The following TEKT5 variants were observed in gnomAD, a reference collection of about 807,000 sequenced individuals.
TEKT5 encodes the protein tektin-5.
TEKT5 carries 52 observed loss-of-function variants against 48.7 expected under a neutral mutation model. The ratio of observed to expected loss-of-function variants is 1.07; its 90% CI spans 0.86 to 1.35. The LOEUF (loss-of-function observed/expected upper bound fraction) is 1.35. Among genes scored for constraint, TEKT5 ranks in the 40% most tolerant of loss-of-function variants. The probability of loss-of-function intolerance (pLI) is 0.00; values close to 1 mark genes in which losing one functional copy is unlikely to be tolerated. For missense variants in TEKT5, 831 were observed against 641.6 expected, an observed-to-expected ratio of 1.30 and a Z score of -3.19; for synonymous variants, 318 against 267.6, an observed-to-expected ratio of 1.19 and a Z score of -1.84.
At position 10,676,099 on chromosome 16, in the gene TEKT5, G is replaced by C. The variant is rs1898640251; in HGVS notation, c.946C>G (p.Leu316Val). 6.2e-7 allele frequency: 1 copy of C among 1,614,224 alleles called. No individual in the cohort carries two copies. Among genetic ancestry groups the C allele is most frequent in the South Asian group, 1.1e-5 (1 of 91,086 alleles). Reference sequence around the variant, plus strand: ...AAGAGGTGCTCCGCCTCCTCCCGCAGCTGGATGGAGTTGGCCCGCATGTTC... The same window carrying C: ...AAGAGGTGCTCCGCCTCCTCCCGCACCTGGATGGAGTTGGCCCGCATGTTC... ...SQNMRANSIQ[L>V]REEAEHLFET... Residue 316 changes from leucine to valine, a missense_variant, in exon 5 of 7, where the codon CTG (leucine) becomes GTG (valine). Transcript: ENST00000283025.
chr16:10,632,022 G>A (rs1897847594), intron 6 of TEKT5, among the ~76,000 whole-genome samples: 1 of 152,208 alleles, frequency 6.6e-6, no homozygotes, highest in Admixed American at 6.5e-5. Context: ...CTGGGGAGAA[G>A]AGACAGTGAA....
Position 10,690,030 on chromosome 16 carries a change from G to T in TEKT5, c.565-5C>A. ...GTACAGACACTCCAAGGCCACCTGT[G>T]GGAAGCAGCAGAAAGAACGTATTCT... On this transcript the variant is annotated splice_polypyrimidine_tract_variant and splice_region_variant and intron_variant, in intron 1 of 6. Coordinates refer to ENST00000283025, the MANE Select transcript of TEKT5 (RefSeq NM_144674.2). 6.2e-7 allele frequency: 1 copy of T among 1,613,838 alleles called. No homozygotes were observed. The highest frequency in any genetic ancestry group is 8.5e-7 in the Non-Finnish European group (1 of 1,179,970).
intron 5 of TEKT5, among the ~76,000 whole-genome samples, chr16:10,658,684 A>G (rs1220309391): frequency 6.6e-6 from 1 of 151,686 alleles, no homozygotes; most frequent in Non-Finnish European, 1.5e-5. Context: ...CTCATCACCT[A>G]TTGACATTCA....
intron 4 of TEKT5, among the ~76,000 whole-genome samples, chr16:10,680,457 AT>A (rs58130091): frequency 0.023 from 3,345 of 147,150 alleles, 74 homozygotes; most frequent in African/African-American, 0.061. Context: ...TGTGCTAGGG[AT>A]TTTTTTTTTT....
chr16:10,629,685 C>T (rs916234229), intron 6 of TEKT5, among the ~76,000 whole-genome samples: 7 of 152,184 alleles, frequency 4.6e-5, no homozygotes, highest in African/African-American at 1.2e-4. Context: ...CTCACAGGTC[C>T]GCAGTTCTCC....
At chr16:10,632,869 G>GACACACACACACACACACACACACACAC (rs35503579) in intron 6 of TEKT5, among the ~76,000 whole-genome samples, 2 of 131,646 alleles carry the variant, frequency 1.5e-5, no homozygotes, top group African/African-American at 5.6e-5. Flanking sequence ...CACAGATGCA[G>GACACACACACACACACACACACACACAC]ACACACACAC....
chr16:10,659,514 G>T (rs781765088), intron 5 of TEKT5, among the ~76,000 whole-genome samples: 6 of 152,014 alleles, frequency 3.9e-5, no homozygotes, highest in Non-Finnish European at 8.8e-5. Context: ...CGAGTAGCTG[G>T]GACTACAGGT....
chr16:10,689,294 T>C lies in TEKT5; in HGVS notation c.678A>G (p.Glu226=), dbSNP rs1596421964. The C allele has an allele frequency of 1.9e-6, 3 of 1,613,406 alleles. No individual in the cohort carries two copies. Among genetic ancestry groups the C allele is most frequent in the South Asian group, 1.1e-5 (1 of 90,980 alleles). The change falls in exon 3 of 7, where the codon GAA becomes GAG. Residue 226 remains glutamate (E), a synonymous_variant. Transcript: ENST00000283025. ...REVDLLKCCQ[E]QMRKLAQRID... Reference sequence around the variant, plus strand: ...TTCTTTGAGCTAATTTTCTCATCTGTTCTTGGCAACATTTTAGCAAATCCA... The same window carrying C: ...TTCTTTGAGCTAATTTTCTCATCTGCTCTTGGCAACATTTTAGCAAATCCA...
intron 4 of TEKT5, among the ~76,000 whole-genome samples, chr16:10,678,802 A>G (rs1898694502): frequency 6.6e-6 from 1 of 152,222 alleles, no homozygotes; most frequent in African/African-American, 2.4e-5. Flanking sequence ...AGCTCCCCAG[A>G]GAAAATAACC....
chr16:10,676,095 C>T lies in TEKT5; in HGVS notation c.950G>A (p.Arg317Gln), dbSNP rs754791961. ...CTCAAAGAGGTGCTCCGCCTCCTCC[C>T]GCAGCTGGATGGAGTTGGCCCGCAT... ...QNMRANSIQL[R>Q]EEAEHLFETL... The change falls in exon 5 of 7, where the codon CGG becomes CAG. Residue 317 changes from arginine (R) to glutamine (Q), a missense_variant. Physicochemically the swap from Arg to Gln is conservative, Grantham distance 43. Coordinates refer to ENST00000283025, the MANE Select transcript of TEKT5 (RefSeq NM_144674.2). The T allele has an allele frequency of 6.8e-6, 11 of 1,614,106 alleles. No homozygotes were observed. The highest frequency in any genetic ancestry group is 2.2e-5 in the South Asian group (2 of 91,088).
chr16:10,686,933 G>C (rs186758032), intron 3 of TEKT5, among the ~76,000 whole-genome samples: 1 of 152,186 alleles, frequency 6.6e-6, no homozygotes, highest in Non-Finnish European at 1.5e-5. Context: ...TGTCATTTGT[G>C]ACAACATGGA....
At chr16:10,660,661 C>CTGTGTG (rs4028826) in intron 5 of TEKT5, among the ~76,000 whole-genome samples, 1,660 of 144,372 alleles carry the variant, frequency 0.011, 36 homozygotes, top group African/African-American at 0.037. Flanking sequence ...GAGTGCAAGG[C>CTGTGTG]TGTGTGTGTG....
chr16:10,685,969 G>T (rs538634757), intron 3 of TEKT5, among the ~76,000 whole-genome samples: 1 of 152,226 alleles, frequency 6.6e-6, no homozygotes, highest in South Asian at 2.1e-4. Context: ...CACTCTGCCG[G>T]CTCAAACTAT....
rs189007196 is a variant in TEKT5 at position 10,690,655 on chromosome 16, G to A, written c.565-630C>T. The A allele has an allele frequency of 9.5e-3, 9,382 of 985,408 alleles. 37 individuals carry two copies. Among genetic ancestry groups the A allele is most frequent in the Non-Finnish European group, 0.011 (8,785 of 829,928 alleles). The allele number at this position is 985,408 out of a possible 1,614,324, so 61.0% of individuals were successfully genotyped here. A position where few individuals can be genotyped will look rare whatever the true frequency, so the allele number is the denominator to read the frequency against. Reference sequence around the variant, plus strand: ...TCTCCCAGTGGAGGGACAGTTTGGGGAAGTGGTCAGGACAACCCTGCCACC... The same window carrying A: ...TCTCCCAGTGGAGGGACAGTTTGGGAAAGTGGTCAGGACAACCCTGCCACC... On this transcript the variant is annotated intron_variant, in intron 1 of 6. Transcript: ENST00000283025.
intron 1 of TEKT5, chr16:10,693,050 A>G (rs1480024551): frequency 6.6e-6 from 1 of 152,298 alleles, no homozygotes; most frequent in Non-Finnish European, 1.5e-5. Context: ...TAGGAGACCA[A>G]GGAAGTGTTA....
intron 5 of TEKT5, among the ~76,000 whole-genome samples, chr16:10,650,980 A>G (rs1489588221): frequency 6.6e-6 from 1 of 151,912 alleles, no homozygotes. Flanking sequence ...CAGAAGTTTG[A>G]GGAATGGGAC....
rs779903766 is a variant in TEKT5 at position 10,689,270 on chromosome 16, T to A, written c.702A>T (p.Arg234Ser). 6.2e-7 allele frequency: 1 copy of A among 1,611,310 alleles called. No individual in the cohort carries two copies. Among genetic ancestry groups the A allele is most frequent in the Non-Finnish European group, 8.5e-7 (1 of 1,179,314 alleles). ...CQEQMRKLAQRIDIQMRDNRD... is the reference protein window; with the variant it reads ...CQEQMRKLAQSIDIQMRDNRD... ...GCCCTTACCGCATCTGGATATCAAT[T>A]CTTTGAGCTAATTTTCTCATCTGTT... Residue 234 changes from arginine (R) to serine (S), a missense_variant, in exon 3 of 7, where the codon AGA becomes AGT. Coordinates refer to ENST00000283025, the MANE Select transcript of TEKT5 (RefSeq NM_144674.2).
chr16:10,662,045 A>G (rs1003635199), intron 5 of TEKT5, among the ~76,000 whole-genome samples: 12 of 152,090 alleles, frequency 7.9e-5, no homozygotes, highest in Non-Finnish European at 7.4e-5. Flanking sequence ...TTCTTAAATT[A>G]AACCTTAATG....
intron 4 of TEKT5, among the ~76,000 whole-genome samples, chr16:10,678,825 T>C (rs182393876): frequency 2.0e-5 from 3 of 152,296 alleles, no homozygotes; most frequent in Non-Finnish European, 4.4e-5. Flanking sequence ...CTTAATCACA[T>C]TCTCCCTGGG....
Sources: allele counts gnomAD v4.1 joint callset (sites outside exome capture counted in the v4.1 genomes callset), GRCh38; gene constraint gnomAD v4.1.1; transcripts MANE v1.5; gene names NCBI Gene and HGNC (gene_info 2026-07-23, HGNC 2026-07-21).